The following PLCB4 variants were observed in gnomAD, a reference collection of about 807,000 sequenced individuals.
PLCB4 encodes phospholipase C beta 4.
A neutral mutation model predicts 178.8 loss-of-function variants in PLCB4; 77 were observed. The ratio of observed to expected loss-of-function variants is 0.43; its 90% CI spans 0.36 to 0.52. The LOEUF (loss-of-function observed/expected upper bound fraction) is 0.52. Among genes scored for constraint, PLCB4 ranks in the 20% least tolerant of loss-of-function variants. The pLI is 0.00. For synonymous variants in PLCB4, 496 were observed against 490.8 expected (o/e 1.01, Z -0.14); for missense variants, 1,024 against 1,453.4 (o/e 0.70, Z 4.80).
chr20:9,364,357 G>A (rs1005927055), intron 8 of PLCB4, among the ~76,000 whole-genome samples: 1 of 152,202 alleles, frequency 6.6e-6, no homozygotes, highest in African/African-American at 2.4e-5. Context: ...TGAAGCTGGT[G>A]TTCACCCAGC....
chr20:9,383,044 G>C (rs532938875), intron 13 of PLCB4, among the ~76,000 whole-genome samples: 5 of 152,254 alleles, frequency 3.3e-5, no homozygotes, highest in Middle Eastern at 3.4e-3. Context: ...AAATGAACAA[G>C]ATCTACCTAC....
chr20:9,093,054 T>A (rs1176176118), intron 1 of PLCB4, among the ~76,000 whole-genome samples: 2 of 152,192 alleles, frequency 1.3e-5, no homozygotes, highest in Admixed American at 1.3e-4. Flanking sequence ...ATTTCATGAT[T>A]TGGTAAGTAT....
intron 2 of PLCB4, among the ~76,000 whole-genome samples, chr20:9,143,666 A>T (rs1399661022): frequency 6.6e-6 from 1 of 152,086 alleles, no homozygotes; most frequent in Non-Finnish European, 1.5e-5. Context: ...TATGATTATT[A>T]ATTGGATGCT....
chr20:9,229,806 T>C (rs1374366629), intron 3 of PLCB4, among the ~76,000 whole-genome samples: 1 of 152,106 alleles, frequency 6.6e-6, no homozygotes, highest in East Asian at 1.9e-4. Context: ...ATCACCTAGA[T>C]ATTAAGCCCA....
At chr20:9,071,666 A>AT (rs1036344427) in intron 1 of PLCB4, among the ~76,000 whole-genome samples, 1 of 152,156 alleles carries the variant, frequency 6.6e-6, no homozygotes, top group African/African-American at 2.4e-5. Flanking sequence ...GCTGAGTTTG[A>AT]TTTTTTATTT....
At chr20:9,074,982 CT>C (rs1293891203) in intron 1 of PLCB4, among the ~76,000 whole-genome samples, 1 of 152,090 alleles carries the variant, frequency 6.6e-6, no homozygotes, top group African/African-American at 2.4e-5. Context: ...AACTTCTCTG[CT>C]TTACATAGTA....
intron 7 of PLCB4, among the ~76,000 whole-genome samples, chr20:9,339,391 G>A (rs1057291318): frequency 3.9e-5 from 6 of 152,130 alleles, no homozygotes; most frequent in African/African-American, 1.4e-4. Context: ...CTCCCAGGTG[G>A]CATGGATACT....
intron 2 of PLCB4, among the ~76,000 whole-genome samples, chr20:9,193,876 A>G (rs559605465): frequency 1.3e-5 from 2 of 152,294 alleles, no homozygotes; most frequent in South Asian, 2.1e-4. Context: ...GCATCTTTTC[A>G]TCTATATTCT....
chr20:9,078,921 C>T (rs2090010988), intron 1 of PLCB4, among the ~76,000 whole-genome samples: 1 of 152,182 alleles, frequency 6.6e-6, no homozygotes, highest in Admixed American at 6.5e-5. Context: ...TTAGTCCTTT[C>T]ATCTGTTTCT....
chr20:9,295,964 A>G (rs1180488176), intron 3 of PLCB4, among the ~76,000 whole-genome samples: 1 of 152,232 alleles, frequency 6.6e-6, no homozygotes, highest in East Asian at 1.9e-4. Flanking sequence ...CTTCATGTCT[A>G]AAACACCAAA....
chr20:9,353,486 T>C (rs1003932460), intron 7 of PLCB4, among the ~76,000 whole-genome samples: 4 of 152,244 alleles, frequency 2.6e-5, no homozygotes, highest in African/African-American at 9.6e-5. Context: ...GTTTAATTTT[T>C]ACTTCTTAAC....
intron 35 of PLCB4, among the ~76,000 whole-genome samples, chr20:9,462,750 A>G (rs1173506843): frequency 6.6e-6 from 1 of 152,242 alleles, no homozygotes; most frequent in Admixed American, 6.5e-5. Flanking sequence ...AAAGCCTCCA[A>G]GAAATATGGG....
At chr20:9,228,572 A>T (rs2093894867) in intron 3 of PLCB4, among the ~76,000 whole-genome samples, 1 of 152,190 alleles carries the variant, frequency 6.6e-6, no homozygotes, top group Non-Finnish European at 1.5e-5. Flanking sequence ...TAACTACTGG[A>T]TACCTTGACA....
intron 29 of PLCB4, 152 bp from the exon 30 acceptor site, chr20:9,436,850 T>C: frequency 1.5e-6 from 1 of 681,162 alleles, no homozygotes. Flanking sequence ...AAGTTGGATC[T>C]TCTTTCCTTG....
At position 9,229,824 on chromosome 20, in the gene PLCB4, C is replaced by T. The variant is rs1464177026; in HGVS notation, c.-16+12372C>T. 8.5e-5 allele frequency among the ~76,000 whole-genome samples: 13 copies of T among 152,164 alleles called. 1 individual carries two copies. Among genetic ancestry groups the T allele is most frequent in the African/African-American group, 2.2e-4 (9 of 41,536 alleles). On this transcript the variant is annotated intron_variant, in intron 3 of 39. Coordinates refer to ENST00000378473, the MANE Select transcript of PLCB4 (RefSeq NM_001377142.1). ...ACCTAGATATTAAGCCCAGCATCCA[C>T]GAGCTATCCTTCCTGATGCTCTCCC...
intron 7 of PLCB4, among the ~76,000 whole-genome samples, chr20:9,360,051 A>C (rs1334005164): frequency 1.3e-5 from 2 of 152,204 alleles, no homozygotes; most frequent in African/African-American, 4.8e-5. Flanking sequence ...AAGTGTGGGC[A>C]AGCCATTGGG....
intron 3 of PLCB4, among the ~76,000 whole-genome samples, chr20:9,260,735 A>G (rs1024265426): frequency 6.6e-6 from 1 of 152,140 alleles, no homozygotes; most frequent in East Asian, 1.9e-4. Context: ...TTCTTGTTTT[A>G]TAAATTTTCA....
intron 13 of PLCB4, among the ~76,000 whole-genome samples, chr20:9,381,435 G>A (rs1013646056): frequency 2.0e-5 from 3 of 152,224 alleles, no homozygotes; most frequent in Non-Finnish European, 4.4e-5. Flanking sequence ...CACTGTGCCA[G>A]ATGCTAGGAA....
intron 35 of PLCB4, among the ~76,000 whole-genome samples, chr20:9,464,480 A>G (rs1161912648): frequency 1.3e-5 from 2 of 152,194 alleles, no homozygotes; most frequent in Admixed American, 6.6e-5. Context: ...AAAAAAATCA[A>G]TGAATCCGGG....
Sources: gnomAD v4.1 joint callset for allele counts (sites outside exome capture counted in the v4.1 genomes callset) on GRCh38, gnomAD v4.1.1 for gene constraint, MANE v1.5 for transcripts, NCBI Gene and HGNC (gene_info 2026-07-23, HGNC 2026-07-21) for gene names.